The following ADGRE1 variants were observed in gnomAD, a reference collection of about 807,000 sequenced individuals.
The protein encoded by ADGRE1 is adhesion G protein-coupled receptor E1.
ADGRE1 carries 82 observed loss-of-function variants against 102.7 expected under a neutral mutation model. The ratio of observed to expected loss-of-function variants is 0.80; its 90% CI spans 0.67 to 0.96. ADGRE1 has a LOEUF of 0.96. Among genes scored for constraint, ADGRE1 ranks in the 40% least tolerant of loss-of-function variants. The pLI is 0.00. For missense variants in ADGRE1, 1,032 were observed against 1,085.3 expected, an observed-to-expected ratio of 0.95 and a Z score of 0.69; for synonymous variants, 398 against 399.6, an observed-to-expected ratio of 1.00 and a Z score of 0.05.
At chr19:6,917,739 CAAAAAA>C (rs35172767) in intron 12 of ADGRE1, among the ~76,000 whole-genome samples, 2 of 116,420 alleles carry the variant, frequency 1.7e-5, no homozygotes, top group African/African-American at 6.9e-5. Context: ...GACTCCATCT[CAAAAAA>C]AAAAAAAAAA....
At chr19:6,923,193 G>A (rs1974743646) in intron 14 of ADGRE1, among the ~76,000 whole-genome samples, 1 of 152,138 alleles carries the variant, frequency 6.6e-6, no homozygotes. Flanking sequence ...TAAGAGAACT[G>A]GATCCAGAAC....
intron 2 of ADGRE1, 77 bp downstream of exon 2, chr19:6,890,620 T>C: frequency 6.7e-7 from 1 of 1,492,226 alleles, no homozygotes; most frequent in South Asian, 1.2e-5. Context: ...CCCAGGAAGC[T>C]GAGCCTCATC....
chr19:6,904,038 A>G lies in ADGRE1; in HGVS notation c.805A>G (p.Ile269Val). Residue 269 changes from isoleucine (I) to valine (V), a missense_variant and splice_region_variant, in exon 8 of 21, where the codon ATT becomes GTT. By Grantham distance (29) the Ile-to-Val change is conservative. Transcript: ENST00000312053. Reference protein sequence around the residue: ...FTDQGVECRDIDECRQDPSTC... With the variant: ...FTDQGVECRDVDECRQDPSTC... Reference sequence around the variant, plus strand: ...TGATATTCTCCAGTTCTTTGCAGATATTGATGAGTGCCGCCAAGATCCATC... The same window carrying G: ...TGATATTCTCCAGTTCTTTGCAGATGTTGATGAGTGCCGCCAAGATCCATC... 1 of 1,614,176 alleles carries G rather than the reference A, an allele frequency of 6.2e-7. No individual in the cohort carries two copies. The highest frequency in any genetic ancestry group is 8.5e-7 in the Non-Finnish European group (1 of 1,180,028).
chr19:6,923,094 C>T (rs1202854457), intron 14 of ADGRE1, among the ~76,000 whole-genome samples: 1 of 145,214 alleles, frequency 6.9e-6, no homozygotes, highest in Non-Finnish European at 1.5e-5. Flanking sequence ...AAGAAAGTAT[C>T]CTTTCCTATC....
chr19:6,926,983 C>T (rs774143366), intron 16 of ADGRE1, among the ~76,000 whole-genome samples: 10 of 149,660 alleles, frequency 6.7e-5, no homozygotes, highest in South Asian at 2.1e-4. Flanking sequence ...CACCTGAACC[C>T]GGGAGGCGGA....
intron 17 of ADGRE1, among the ~76,000 whole-genome samples, chr19:6,932,826 G>A (rs1466546094): frequency 6.6e-6 from 1 of 152,196 alleles, no homozygotes; most frequent in Non-Finnish European, 1.5e-5. Flanking sequence ...GGAGGTGGTG[G>A]TGATGATGAA....
At chr19:6,920,369 G>C (rs2354119) in intron 13 of ADGRE1, among the ~76,000 whole-genome samples, 32,989 of 150,974 alleles carry the variant, frequency 0.22, 3,630 homozygotes, top group Middle Eastern at 0.24. Context: ...ACAGGCGCCC[G>C]CCACCATGAC....
chr19:6,904,340 AT>A (rs957320165), intron 8 of ADGRE1, among the ~76,000 whole-genome samples, 158 bp downstream of exon 8: 2 of 146,010 alleles, frequency 1.4e-5, no homozygotes, highest in African/African-American at 5.4e-5. Context: ...TCAACAAATG[AT>A]TTTTGGAGTA....
At chr19:6,912,442 C>T (rs1007602319) in intron 10 of ADGRE1, among the ~76,000 whole-genome samples, 1 of 152,168 alleles carries the variant, frequency 6.6e-6, no homozygotes, top group African/African-American at 2.4e-5. Flanking sequence ...ATATCTTCTA[C>T]AAATTAAACA....
intron 12 of ADGRE1, among the ~76,000 whole-genome samples, chr19:6,918,848 C>T (rs1974509262): frequency 6.6e-6 from 1 of 151,912 alleles, no homozygotes; most frequent in Admixed American, 6.6e-5. Flanking sequence ...CCTCGGCCTC[C>T]CGAGTAGCTG....
chr19:6,929,591 C>T (rs1262247953), intron 17 of ADGRE1, among the ~76,000 whole-genome samples: 6 of 151,840 alleles, frequency 4.0e-5, no homozygotes, highest in East Asian at 3.9e-4. Context: ...GGTGCAATCT[C>T]GGCTCACTGC....
chr19:6,914,826 CA>C (rs1974317359), intron 11 of ADGRE1, among the ~76,000 whole-genome samples: 1 of 152,012 alleles, frequency 6.6e-6, no homozygotes, highest in South Asian at 2.1e-4. Flanking sequence ...GAGTAAGTCT[CA>C]TTGGGGCAGG....
chr19:6,929,822 A>G (rs1266985780), intron 17 of ADGRE1, among the ~76,000 whole-genome samples: 3 of 151,866 alleles, frequency 2.0e-5, no homozygotes, highest in Non-Finnish European at 2.9e-5. Flanking sequence ...TGACCAGCTA[A>G]TTTTTGTACT....
intron 9 of ADGRE1, among the ~76,000 whole-genome samples, chr19:6,906,825 C>T (rs1973975359): frequency 6.6e-6 from 1 of 152,124 alleles, no homozygotes; most frequent in Non-Finnish European, 1.5e-5. Flanking sequence ...AAAGTACGGT[C>T]CTTCTCTTTA....
At chr19:6,895,594 C>T (rs1202977213) in intron 2 of ADGRE1, 2 of 152,234 alleles carry the variant, frequency 1.3e-5, no homozygotes, top group African/African-American at 4.8e-5. Context: ...CTTCCCCAGA[C>T]CTGCTGAATT....
At chr19:6,923,519 T>G (rs1014883503) in intron 14 of ADGRE1, among the ~76,000 whole-genome samples, 1 of 151,954 alleles carries the variant, frequency 6.6e-6, no homozygotes, top group African/African-American at 2.4e-5. Flanking sequence ...TTGGCCAGTT[T>G]TTTTCTTTCT....
At position 6,906,503 on chromosome 19, in the gene ADGRE1, C is replaced by A. The variant is rs371881714; in HGVS notation, c.1020C>A (p.Thr340=). 6.2e-7 allele frequency: 1 copy of A among 1,613,336 alleles called. No homozygotes were observed. The highest frequency in any genetic ancestry group is 1.3e-5 in the African/African-American group (1 of 74,884). ...AGATCCAGCAATGCCAAGAGGGAAC[C>A]GCAGTGAAACCTGCATATGCAAGTA... is the stretch of plus-strand genomic sequence containing the variant. ...NKQIQQCQEG[T]AVKPAYVSFC... is the part of the protein sequence containing the mutation. The change falls in exon 9 of 21, where the codon ACC becomes ACA. Residue 340 remains threonine, a synonymous_variant. Coordinates refer to ENST00000312053, the MANE Select transcript of ADGRE1 (RefSeq NM_001974.5).
chr19:6,896,126 CTG>C, intron 2 of ADGRE1: 1 of 357,414 alleles, frequency 2.8e-6, no homozygotes, highest in East Asian at 4.7e-5. Flanking sequence ...CTGTGCATGT[CTG>C]TGTGTCTCTT....
chr19:6,902,893 T>C (rs965906743), intron 6 of ADGRE1, among the ~76,000 whole-genome samples: 1 of 152,232 alleles, frequency 6.6e-6, no homozygotes, highest in African/African-American at 2.4e-5. Flanking sequence ...TGTGCCACCA[T>C]GCCCAGCTAA....
Sources: allele counts gnomAD v4.1 joint callset (sites outside exome capture counted in the v4.1 genomes callset), GRCh38; gene constraint gnomAD v4.1.1; transcripts MANE v1.5; gene names NCBI Gene and HGNC (gene_info 2026-07-23, HGNC 2026-07-21).